The following CCDC141 variants were observed in gnomAD, a reference collection of about 807,000 sequenced individuals.
The protein encoded by CCDC141 is coiled-coil domain containing 141.
A neutral mutation model predicts 181.0 loss-of-function variants in CCDC141; 168 were observed. The ratio of observed to expected loss-of-function variants is 0.93; its 90% CI spans 0.82 to 1.05. The LOEUF (loss-of-function observed/expected upper bound fraction) is 1.05, where lower values mean the gene tolerates loss of function less well. CCDC141 is among the 50% of genes least tolerant of loss of function. The pLI is 0.00. For synonymous variants in CCDC141, 666 were observed against 642.3 expected, an observed-to-expected ratio of 1.04 and a Z score of -0.56; for missense variants, 1,902 against 1,788.5, an observed-to-expected ratio of 1.06 and a Z score of -1.14.
intron 4 of CCDC141, among the ~76,000 whole-genome samples, chr2:178,971,436 G>C (rs1690882357): frequency 6.6e-6 from 1 of 152,220 alleles, no homozygotes; most frequent in Non-Finnish European, 1.5e-5. Context: ...TACTGGAAAG[G>C]ATGTGGAGAA....
chr2:178,918,382 A>G (rs1377071067), intron 7 of CCDC141, among the ~76,000 whole-genome samples: 2 of 152,134 alleles, frequency 1.3e-5, no homozygotes, highest in African/African-American at 2.4e-5. Flanking sequence ...CACTCCAGCC[A>G]GGGTGACAGA....
At chr2:178,994,960 G>A (rs1219871924) in intron 2 of CCDC141, among the ~76,000 whole-genome samples, 1 of 152,162 alleles carries the variant, frequency 6.6e-6, no homozygotes, top group Non-Finnish European at 1.5e-5. Context: ...GGACTTTACT[G>A]TCCATATCTC....
At chr2:178,946,025 C>T (rs1241942176) in intron 5 of CCDC141, among the ~76,000 whole-genome samples, 2 of 152,204 alleles carry the variant, frequency 1.3e-5, no homozygotes, top group Admixed American at 1.3e-4. Context: ...AGCATTTCTC[C>T]AGCTTTCTGC....
intron 16 of CCDC141, among the ~76,000 whole-genome samples, chr2:178,867,680 T>C (rs1685912447): frequency 6.6e-6 from 1 of 152,208 alleles, no homozygotes; most frequent in Non-Finnish European, 1.5e-5. Flanking sequence ...TTTAAATTAA[T>C]GCAAGTTAAA....
chr2:178,824,886 T>G (rs187603302), downstream of CCDC141, among the ~76,000 whole-genome samples: 174 of 152,286 alleles, frequency 1.1e-3, no homozygotes, highest in African/African-American at 3.9e-3. Flanking sequence ...CTCTACTGTT[T>G]ATACTACTAT....
chr2:178,832,560 C>T lies in CCDC141; in HGVS notation c.*1613G>A, dbSNP rs1348393116. 1.3e-5 allele frequency: 2 copies of T among 149,128 alleles called. No individual in the cohort carries two copies. Among genetic ancestry groups the T allele is most frequent in the Non-Finnish European group, 3.0e-5 (2 of 67,424 alleles). The allele number at this position is 149,128 out of a possible 1,614,324, so 9.2% of individuals were successfully genotyped here. A position where few individuals can be genotyped will look rare whatever the true frequency, so the allele number is the denominator to read the frequency against. On this transcript the variant is annotated 3_prime_UTR_variant, in exon 24 of 24. Transcript: ENST00000443758. Reference sequence around the variant, plus strand: ...ATACAAGCTTTTAATATAGTTCTATCAAAATTTAGAAGGAAACTGAGATTT... The same window carrying T: ...ATACAAGCTTTTAATATAGTTCTATTAAAATTTAGAAGGAAACTGAGATTT...
chr2:178,869,728 G>T (rs1686024529), intron 14 of CCDC141, among the ~76,000 whole-genome samples: 1 of 152,124 alleles, frequency 6.6e-6, no homozygotes, highest in African/African-American at 2.4e-5. Flanking sequence ...TATATCAGGG[G>T]AATAACTTGT....
intron 8 of CCDC141, 102 bp from the exon 9 acceptor site, chr2:178,888,770 G>T: frequency 7.8e-7 from 1 of 1,287,024 alleles, no homozygotes. Flanking sequence ...TTGGTAAAAG[G>T]CATCAGCTTT....
At chr2:178,948,244 C>T (rs550448978) in intron 5 of CCDC141, among the ~76,000 whole-genome samples, 2 of 151,650 alleles carry the variant, frequency 1.3e-5, no homozygotes, top group Non-Finnish European at 2.9e-5. Context: ...ATTGAAATAA[C>T]ATTTTAGATA....
chr2:179,025,122 T>A (rs1260817666), intron 2 of CCDC141, among the ~76,000 whole-genome samples: 1 of 152,054 alleles, frequency 6.6e-6, no homozygotes, highest in Non-Finnish European at 1.5e-5. Context: ...TTTTTTAACT[T>A]CTACTTTAAG....
intron 2 of CCDC141, 64 bp downstream of exon 2, chr2:179,047,220 A>C: frequency 7.2e-7 from 1 of 1,398,462 alleles, no homozygotes; most frequent in Non-Finnish European, 9.4e-7. Flanking sequence ...GGAATCAAGA[A>C]GTATAAGAAA....
chr2:179,012,105 A>G (rs947542311), intron 2 of CCDC141, among the ~76,000 whole-genome samples: 2 of 152,192 alleles, frequency 1.3e-5, no homozygotes, highest in African/African-American at 4.8e-5. Flanking sequence ...AGAAGAAAGG[A>G]AATAACCAAG....
At chr2:178,882,666 A>T (rs1312855601) in intron 11 of CCDC141, among the ~76,000 whole-genome samples, 2 of 152,070 alleles carry the variant, frequency 1.3e-5, no homozygotes, top group Non-Finnish European at 2.9e-5. Context: ...GAGAATTGCT[A>T]CCAAATGGGA....
chr2:178,936,723 A>G (rs13395494), intron 6 of CCDC141, among the ~76,000 whole-genome samples: 15,835 of 152,172 alleles, frequency 0.1, 1,462 homozygotes, highest in South Asian at 0.23. Flanking sequence ...CTTCCTATCC[A>G]TGAGTATGGA....
At chr2:178,984,268 G>C (rs1324104587) in intron 2 of CCDC141, among the ~76,000 whole-genome samples, 1 of 149,224 alleles carries the variant, frequency 6.7e-6, no homozygotes, top group Non-Finnish European at 1.5e-5. Context: ...CAAATGCTGA[G>C]AGATTTTGTC....
intron 17 of CCDC141, among the ~76,000 whole-genome samples, chr2:178,864,785 T>C (rs1685774056): frequency 6.6e-6 from 1 of 152,236 alleles, no homozygotes; most frequent in African/African-American, 2.4e-5. Flanking sequence ...TGGATAATAT[T>C]TGATACTTGC....
At chr2:178,980,867 T>A (rs759569218) in intron 2 of CCDC141, among the ~76,000 whole-genome samples, 6 of 152,108 alleles carry the variant, frequency 3.9e-5, no homozygotes, top group Non-Finnish European at 5.9e-5. Flanking sequence ...CAATTATACC[T>A]CAATAAAGCT....
At chr2:178,989,796 G>GTCACT (rs1691955748) in intron 2 of CCDC141, among the ~76,000 whole-genome samples, 1 of 133,292 alleles carries the variant, frequency 7.5e-6, no homozygotes, top group South Asian at 2.5e-4. Context: ...ACAATGAGAT[G>GTCACT]TCACTTCACA....
At chr2:178,876,208 T>G (rs1044625920) in intron 12 of CCDC141, 1 of 152,118 alleles carries the variant, frequency 6.6e-6, no homozygotes, top group Non-Finnish European at 1.5e-5. Context: ...GAATTCAGGC[T>G]CCAGACTGAG....
Sources: gnomAD v4.1 joint callset for allele counts (sites outside exome capture counted in the v4.1 genomes callset) on GRCh38, gnomAD v4.1.1 for gene constraint, MANE v1.5 for transcripts, NCBI Gene and HGNC (gene_info 2026-07-23, HGNC 2026-07-21) for gene names.